BCOR: variants seen among roughly 807,000 people sequenced by gnomAD.
The protein encoded by BCOR is BCL-6 corepressor.
BCOR carries 10 observed loss-of-function variants against 86.7 expected under a neutral mutation model. The observed-to-expected ratio is 0.12, with a 90% CI of 0.07 to 0.20. The LOEUF is 0.20. Among genes scored for constraint, BCOR ranks in the 10% least tolerant of loss-of-function variants. The pLI is 1.00. For synonymous variants in BCOR, 611 were observed against 609.0 expected, an observed-to-expected ratio of 1.00 and a Z score of -0.05; for missense variants, 1,259 against 1,452.1, an observed-to-expected ratio of 0.87 and a Z score of 2.16.
chrX:40,091,837 C>T (rs1363312431), intron 1 of BCOR, among the ~76,000 whole-genome samples: 2 of 113,351 alleles, frequency 1.8e-5, no homozygotes, highest in East Asian at 5.6e-4. Flanking sequence ...GCCATAAACA[C>T]TGGCAAAGAA....
chrX:40,097,193 G>C (rs1569176371), intron 1 of BCOR, 22 bp downstream of exon 1: 1 of 109,209 alleles, frequency 9.2e-6, no homozygotes, highest in Non-Finnish European at 1.9e-5. Flanking sequence ...TCTCCCGGGG[G>C]AAAGGTGTTC....
intron 1 of BCOR, among the ~76,000 whole-genome samples, chrX:40,089,448 A>G (rs1183129843): frequency 2.7e-5 from 3 of 111,672 alleles, no homozygotes; most frequent in Admixed American, 9.5e-5. Flanking sequence ...GGCCTTATGT[A>G]CCCAAGAACG....
At chrX:40,130,430 C>T (rs752029837) in intron 1 of BCOR, among the ~76,000 whole-genome samples, 24 of 112,421 alleles carry the variant, frequency 2.1e-4, no homozygotes, top group Middle Eastern at 4.7e-3. Context: ...CCTTCAGGCC[C>T]ATGGTGTGAG....
intron 1 of BCOR, among the ~76,000 whole-genome samples, chrX:40,166,937 T>A (rs781471451): frequency 9.0e-6 from 1 of 111,413 alleles, no homozygotes; most frequent in Non-Finnish European, 1.9e-5. Context: ...TCTGACTTTG[T>A]CAGGCTGGAC....
upstream of BCOR, among the ~76,000 whole-genome samples, chrX:40,102,547 CAT>C (rs1004505695): frequency 9.6e-5 from 11 of 114,042 alleles, no homozygotes; most frequent in African/African-American, 2.9e-4. Flanking sequence ...GCCTTCTGCG[CAT>C]ATTTTACCCG....
In BCOR at chrX:40,074,418, T is replaced by G. The variant is rs1013676876; in HGVS notation, c.928A>C (p.Ser310Arg). ...GCAGAGGGAACCCTGGGCTGCTTAC[T>G]GTTCTGGATGTGAGGATAGGCGTGG... is the stretch of plus-strand genomic sequence containing the variant. ...DSHAYPHIQNSKQPRVPSAKA... is the reference protein window; with the variant it reads ...DSHAYPHIQNRKQPRVPSAKA... Residue 310 changes from serine (S) to arginine (R), a missense_variant, in exon 4 of 15, where the codon AGT (serine) becomes CGT (arginine). Coordinates refer to ENST00000378444, the MANE Select transcript of BCOR (RefSeq NM_001123385.2). 9 of 1,208,321 alleles carry G rather than the reference T, an allele frequency of 7.4e-6. No individual in the cohort carries two copies. The highest frequency in any genetic ancestry group is 2.2e-5 in the Admixed American group (1 of 45,685).
chrX:40,156,181 C>T (rs1052988165), intron 1 of BCOR, among the ~76,000 whole-genome samples: 2 of 112,549 alleles, frequency 1.8e-5, no homozygotes, highest in Non-Finnish European at 3.8e-5. Flanking sequence ...TGGAAGCCGG[C>T]GATGGGTTGG....
intron 1 of BCOR, among the ~76,000 whole-genome samples, chrX:40,082,820 T>C (rs925739253): frequency 9.0e-6 from 1 of 111,598 alleles, no homozygotes; most frequent in African/African-American, 3.3e-5. Context: ...CCCCGCTAAA[T>C]AGTACCCGAC....
Position 40,055,370 on chromosome X carries a change from G to C in BCOR, c.4739C>G (p.Thr1580Arg). 1 of 1,209,419 alleles carries C rather than the reference G, an allele frequency of 8.3e-7. No homozygotes were observed. Among genetic ancestry groups the C allele is most frequent in the Non-Finnish European group, 1.1e-6 (1 of 893,379 alleles). The change falls in exon 12 of 15, where the codon ACA (threonine) becomes AGA (arginine). Residue 1580 changes from threonine (T) to arginine (R), a missense_variant and splice_region_variant. Around this residue, in one of 7 missense-constraint regions of BCOR, gnomAD observed 137 missense variants for 149.8 expected, o/e 0.91. Coordinates refer to ENST00000378444, the MANE Select transcript of BCOR (RefSeq NM_001123385.2). ...THSELMEKFLTDYLNDLQGRN... is the reference protein window; with the variant it reads ...THSELMEKFLRDYLNDLQGRN... ...CCATTTCTTGAACTTTGTCATACCT[G>C]TTAAGAACTTTTCCATAAGTTCACT...
At chrX:40,059,555 TG>T (rs1192704310) in intron 10 of BCOR, among the ~76,000 whole-genome samples, 1 of 112,357 alleles carries the variant, frequency 8.9e-6, no homozygotes, top group Non-Finnish European at 1.9e-5. Context: ...CTTAAATGGG[TG>T]GCAACCGCTG....
intron 6 of BCOR, among the ~76,000 whole-genome samples, chrX:40,070,566 ACTT>A (rs1435488106): frequency 9.0e-6 from 1 of 111,556 alleles, no homozygotes; most frequent in Non-Finnish European, 1.9e-5. Flanking sequence ...CTTTATGGTG[ACTT>A]CACCATGTTC....
Position 40,074,879 on chromosome X carries a change from T to G in BCOR, c.467A>C (p.Gln156Pro), listed in dbSNP as rs2147270447. 8.3e-7 allele frequency: 1 copy of G among 1,211,320 alleles called. No homozygotes were observed. The highest frequency in any genetic ancestry group is 1.1e-6 in the Non-Finnish European group (1 of 895,395). The stretch of plus-strand genomic sequence containing the variant: ...TTCTGCTGTGGCTACAGCACTTTTT[T>G]GTATTCCAGGCGGTGTTTTGTATAT... ...SAIYKTPPGI[Q>P]KSAVATAEAL... is the part of the protein sequence containing the mutation. The change falls in exon 4 of 15, where the codon CAA (glutamine) becomes CCA (proline). Residue 156 changes from glutamine to proline, a missense_variant. Physicochemically the swap from Gln to Pro is moderately conservative, Grantham distance 76. Coordinates refer to ENST00000378444, the MANE Select transcript of BCOR (RefSeq NM_001123385.2).
chrX:40,163,563 C>G (rs976004099), intron 1 of BCOR, among the ~76,000 whole-genome samples: 1 of 108,151 alleles, frequency 9.2e-6, no homozygotes, highest in African/African-American at 3.4e-5. Flanking sequence ...CCTGGTATGG[C>G]TTCCCCTACC....
intron 1 of BCOR, among the ~76,000 whole-genome samples, chrX:40,171,056 C>G (rs960620073): frequency 1.8e-5 from 2 of 112,079 alleles, no homozygotes; most frequent in Non-Finnish European, 1.9e-5. Flanking sequence ...CACTCGCCCC[C>G]ACAAATTTCT....
At chrX:40,136,976 A>C (rs1937693214) in intron 1 of BCOR, among the ~76,000 whole-genome samples, 1 of 111,879 alleles carries the variant, frequency 8.9e-6, no homozygotes, top group Non-Finnish European at 1.9e-5. Context: ...TGCCAGTGCC[A>C]TCCAATATAA....
rs1249849112 is a variant in BCOR at position 40,052,123 on chromosome X, C to T, written c.5254G>A (p.Asp1752Asn). ...EWLHPSDLASDNYW is the reference protein window; with the variant it reads ...EWLHPSDLASNNYW ...GTCCAGCTTGCTCACCAGTAGTTGTCTGAGGCCAGATCACTGGGGTGGAGC... is the reference window on the plus strand; with the variant it reads ...GTCCAGCTTGCTCACCAGTAGTTGTTTGAGGCCAGATCACTGGGGTGGAGC... The change falls in exon 15 of 15, where the codon GAC (aspartate) becomes AAC (asparagine). Residue 1752 changes from aspartate (D) to asparagine (N), a missense_variant. Asp to Asn is a conservative substitution (Grantham distance 23). Transcript: ENST00000378444. 8.4e-7 allele frequency: 1 copy of T among 1,197,394 alleles called. No homozygotes were observed. Among genetic ancestry groups the T allele is most frequent in the East Asian group, 3.0e-5 (1 of 33,407 alleles).
rs1046893563 is a variant in BCOR at position 40,150,301 on chromosome X, A to C, written c.-41+26706T>G. Among the ~76,000 whole-genome samples, 5 of 112,234 alleles carry C rather than the reference A, an allele frequency of 4.5e-5. No homozygotes were observed. In the South Asian group the frequency reaches 1.9e-3, roughly 42 times the overall value. On this transcript the variant is annotated intron_variant, in intron 1 of 14. Coordinates refer to the BCOR transcript ENST00000342274. Reference sequence around the variant, plus strand: ...ACACACTTAGGTTATCTGATTGGAAAGGCCTGGGGGATTTTAGATGCCAAA... The same window carrying C: ...ACACACTTAGGTTATCTGATTGGAACGGCCTGGGGGATTTTAGATGCCAAA...
intron 1 of BCOR, among the ~76,000 whole-genome samples, chrX:40,122,133 T>C (rs1937496228): frequency 9.0e-6 from 1 of 111,469 alleles, no homozygotes; most frequent in African/African-American, 3.3e-5. Context: ...CTGGGGCTGG[T>C]CTACTTGGGG....
chrX:40,171,469 G>T (rs1300561678), intron 1 of BCOR, among the ~76,000 whole-genome samples: 1 of 106,309 alleles, frequency 9.4e-6, no homozygotes, highest in Non-Finnish European at 1.9e-5. Context: ...ATGGGTGGGG[G>T]ATTCATGTGT....
Sources: gnomAD v4.1 joint callset for allele counts (sites outside exome capture counted in the v4.1 genomes callset) on GRCh38, gnomAD v4.1.1 for gene constraint, gnomAD v4.1.1 regional missense constraint, MANE v1.5 for transcripts, NCBI Gene and HGNC (gene_info 2026-07-23, HGNC 2026-07-21) for gene names.